Variants in EHMT1 observed in about 807,000 individuals in gnomAD.
EHMT1 encodes the protein euchromatic histone lysine methyltransferase 1.
In EHMT1, 15 loss-of-function variants were observed where a neutral mutation model predicts 147.2. That is an observed-to-expected ratio of 0.10 (90% CI 0.07 to 0.16). EHMT1 has a LOEUF of 0.16. EHMT1 is among the 10% of genes least tolerant of loss of function. EHMT1 has a pLI of 1.00. For missense variants in EHMT1, 1,587 were observed against 1,772.4 expected (o/e 0.90, Z 1.88); for synonymous variants, 795 against 709.6 (o/e 1.12, Z -1.91).
intron 1 of EHMT1, among the ~76,000 whole-genome samples, chr9:137,663,584 A>C (rs980205054): frequency 6.6e-6 from 1 of 152,172 alleles, no homozygotes; most frequent in East Asian, 1.9e-4. Flanking sequence ...TTACTTAAAC[A>C]TGTCACACTA....
rs992768782 is a variant in EHMT1 at position 137,743,150 on chromosome 9, A to G, written c.824-221A>G. ...GTTTTGTTGTGAATGGAACAGATGA[A>G]CAGATGATCCAGGACGTGTTTCTGA... On this transcript the variant is annotated intron_variant, in intron 4 of 26. Coordinates refer to ENST00000460843, the MANE Select transcript of EHMT1 (RefSeq NM_024757.5). 8 of 545,300 alleles carry G rather than the reference A, an allele frequency of 1.5e-5. No homozygotes were observed. In the East Asian group the frequency reaches 1.6e-4, roughly 11 times the overall value. 33.8% of individuals were successfully genotyped at this position (545,300 alleles called of 1,614,324 possible). A position where few individuals can be genotyped will look rare whatever the true frequency, so the allele number is the denominator to read the frequency against.
At position 137,731,424 on chromosome 9, in the gene EHMT1, T is replaced by G. The variant is rs1947100959; in HGVS notation, c.823+2895T>G. Among the ~76,000 whole-genome samples, 1 of 152,152 alleles carries G rather than the reference T, an allele frequency of 6.6e-6. No homozygotes were observed. Among genetic ancestry groups the G allele is most frequent in the African/African-American group, 2.4e-5 (1 of 41,434 alleles). ...TGGCATGCCCAGCTGCCTTGTCTTG[T>G]GATGGTCATCAGTGCACCTTTCAAC... On this transcript the variant is annotated intron_variant, in intron 4 of 26. Transcript: ENST00000460843. This position sits in a 1 kb window ranked among gnomAD's most constrained non-coding sequence, Gnocchi z 4.3.
chr9:137,655,314 G>C (rs557702358), intron 1 of EHMT1, among the ~76,000 whole-genome samples: 22 of 152,244 alleles, frequency 1.4e-4, no homozygotes, highest in Non-Finnish European at 1.5e-5. Context: ...ACTGCGCCTG[G>C]CCGTTAACTA....
rs938923902 is a variant in EHMT1 at position 137,778,123 on chromosome 9, C to T, written c.2192+68C>T. ...TTTAATCTGCACCCCGCGTTTTTCC[C>T]CATGGTGTCACTTTAGCACTTCTCA... On this transcript the variant is annotated intron_variant, in intron 13 of 26. Coordinates refer to ENST00000460843, the MANE Select transcript of EHMT1 (RefSeq NM_024757.5). 3.1e-6 allele frequency: 5 copies of T among 1,591,772 alleles called. No homozygotes were observed. In the African/African-American group the frequency reaches 6.7e-5, roughly 21 times the overall value.
intron 1 of EHMT1, among the ~76,000 whole-genome samples, chr9:137,628,264 TCTC>T (rs1487715501): frequency 6.6e-6 from 1 of 152,180 alleles, no homozygotes; most frequent in Non-Finnish European, 1.5e-5. Flanking sequence ...ATAGGTTAGC[TCTC>T]CTCTACCTCT....
At chr9:137,685,436 A>G (rs1942343572) in intron 1 of EHMT1, 1 of 152,218 alleles carries the variant, frequency 6.6e-6, no homozygotes, top group Non-Finnish European at 1.5e-5. Flanking sequence ...ATCAGAACCC[A>G]TTCCTGGATA....
chr9:137,799,816 C>G (rs898489869), intron 17 of EHMT1, among the ~76,000 whole-genome samples: 7 of 152,248 alleles, frequency 4.6e-5, no homozygotes, highest in Admixed American at 6.5e-5. Flanking sequence ...GGCCCATACT[C>G]TCGCCTTTGC....
At chr9:137,710,690 A>T (rs1387681998) in intron 1 of EHMT1, among the ~76,000 whole-genome samples, 2 of 152,214 alleles carry the variant, frequency 1.3e-5, no homozygotes, top group African/African-American at 4.8e-5. Context: ...CAAAGATTTC[A>T]GATATCTAAT....
chr9:137,795,825 C>T (rs948765886), intron 16 of EHMT1, among the ~76,000 whole-genome samples: 9 of 151,414 alleles, frequency 5.9e-5, no homozygotes, highest in East Asian at 3.9e-4. Context: ...CCAGTAAAGA[C>T]GAATATTGTA....
intron 4 of EHMT1, among the ~76,000 whole-genome samples, chr9:137,739,368 A>G (rs546211090): frequency 4.6e-5 from 7 of 152,262 alleles, no homozygotes; most frequent in South Asian, 2.1e-4. Context: ...AAAAAAAAAA[A>G]AAAGAAAGAA....
At chr9:137,655,367 T>TA (rs1938331067) in intron 1 of EHMT1, among the ~76,000 whole-genome samples, 1 of 152,056 alleles carries the variant, frequency 6.6e-6, no homozygotes, top group Non-Finnish European at 1.5e-5. Flanking sequence ...AGAGGCTGCT[T>TA]AAAAAAGACC....
chr9:137,743,639 G>A (rs1948299311), intron 5 of EHMT1, 111 bp downstream of exon 5: 1 of 1,497,456 alleles, frequency 6.7e-7, no homozygotes, highest in Non-Finnish European at 9.2e-7. Context: ...AGGTGCCAGT[G>A]CCATGAAGCT....
At chr9:137,697,564 G>C (rs1943495440) in intron 1 of EHMT1, among the ~76,000 whole-genome samples, 1 of 150,636 alleles carries the variant, frequency 6.6e-6, no homozygotes, top group Non-Finnish European at 1.5e-5. Flanking sequence ...CATGTAGAAG[G>C]ACACTTTTTG....
chr9:137,787,842 G>T lies in EHMT1; in HGVS notation c.2383-3006G>T. On this transcript the variant is annotated intron_variant, in intron 15 of 26. Transcript: ENST00000460843. The surrounding 1 kb of genome is among the most constrained non-coding windows in gnomAD (Gnocchi z 4.2). ...CACCCCCCAGTAGGCAGAGCTGGTT[G>T]ACGGTGGACATTGGGGATAGGAGGT... 9.7e-7 allele frequency: 1 copy of T among 1,035,570 alleles called. No homozygotes were observed. The highest frequency in any genetic ancestry group is 1.5e-6 in the Non-Finnish European group (1 of 655,830). The allele number at this position is 1,035,570 out of a possible 1,614,324, so 64.1% of individuals were successfully genotyped here.
intron 15 of EHMT1, chr9:137,788,396 G>C (rs1215690307): frequency 5.5e-5 from 15 of 271,310 alleles, no homozygotes; most frequent in Non-Finnish European, 1.0e-4. Flanking sequence ...TGACGCTCAC[G>C]CAGGTGTAAG....
At position 137,692,422 on chromosome 9, in the gene EHMT1, G is replaced by A. The variant is rs534378498; in HGVS notation, c.22-18545G>A. Among the ~76,000 whole-genome samples the A allele has an allele frequency of 1.1e-4, 17 of 151,798 alleles. No individual in the cohort carries two copies. The East Asian group carries it at 3.3e-3, about 29-fold the overall frequency. Reference sequence around the variant, plus strand: ...TGGGATTGCAGGCGTGCACCACCGCGCCGGGCTAGTGTTTGTATTTTTAGT... The same window carrying A: ...TGGGATTGCAGGCGTGCACCACCGCACCGGGCTAGTGTTTGTATTTTTAGT... On this transcript the variant is annotated intron_variant, in intron 1 of 26. Transcript: ENST00000460843.
intron 16 of EHMT1, among the ~76,000 whole-genome samples, chr9:137,796,963 C>T (rs780229759): frequency 1.3e-5 from 2 of 152,004 alleles, no homozygotes; most frequent in South Asian, 2.1e-4. Flanking sequence ...GGGCCTCACA[C>T]CAGTAGGGTC....
At position 137,835,015 on chromosome 9, in the gene EHMT1, G is replaced by C. The variant is rs1006973682; in HGVS notation, c.*62G>C. 3.0e-6 allele frequency: 4 copies of C among 1,353,544 alleles called. No individual in the cohort carries two copies. Among genetic ancestry groups the C allele is most frequent in the African/African-American group, 1.6e-5 (1 of 64,276 alleles). 83.8% of individuals were successfully genotyped at this position (1,353,544 alleles called of 1,614,324 possible). ...ACCGCCGCGTCGCCGATTAGAGGACGAGGAGGAGAGATTCCGCACGCAACC... is the reference window on the plus strand; with the variant it reads ...ACCGCCGCGTCGCCGATTAGAGGACCAGGAGGAGAGATTCCGCACGCAACC... On this transcript the variant is annotated 3_prime_UTR_variant, in exon 27 of 27. Coordinates refer to ENST00000460843, the MANE Select transcript of EHMT1 (RefSeq NM_024757.5).
chr9:137,794,625 C>T (rs926550871), intron 16 of EHMT1, among the ~76,000 whole-genome samples: 24 of 144,344 alleles, frequency 1.7e-4, no homozygotes, highest in African/African-American at 5.2e-4. Flanking sequence ...TTAGCCCGGG[C>T]GACAGAGTGA....
Sources: allele counts gnomAD v4.1 joint callset (sites outside exome capture counted in the v4.1 genomes callset), GRCh38; gene constraint gnomAD v4.1.1; non-coding constraint Gnocchi (gnomAD v3.1); transcripts MANE v1.5; gene names NCBI Gene and HGNC (gene_info 2026-07-23, HGNC 2026-07-21).